The following CERKL variants were observed in gnomAD, a reference collection of about 807,000 sequenced individuals.
The protein encoded by CERKL is CERK like autophagy regulator.
Under a neutral mutation model 63.4 loss-of-function variants are expected in CERKL, and 61 were observed. That is an observed-to-expected ratio of 0.96 (90% CI 0.78 to 1.19). CERKL has a LOEUF of 1.19. Ranked by LOEUF, CERKL falls within the 50% of genes most tolerant of loss-of-function variation. The pLI is 0.00. For synonymous variants in CERKL, 250 were observed against 230.5 expected (o/e 1.08, Z -0.77); for missense variants, 675 against 655.5 (o/e 1.03, Z -0.33).
Position 181,554,082 on chromosome 2 carries a change from T to C in CERKL, c.821-4374A>G, listed in dbSNP as rs563662047. Among the ~76,000 whole-genome samples the C allele has an allele frequency of 2.0e-5, 3 of 151,400 alleles. No individual in the cohort carries two copies. In the South Asian group the frequency reaches 6.2e-4, roughly 32 times the overall value. On this transcript the variant is annotated intron_variant, in intron 5 of 12. Coordinates refer to ENST00000410087, the MANE Select transcript of CERKL (RefSeq NM_201548.5). Reference sequence around the variant, plus strand: ...CTTCCTCCTGAGAGCTGCTAAAATGTTCCAAATACAAAAAAGTAAGGACAG... The same window carrying C: ...CTTCCTCCTGAGAGCTGCTAAAATGCTCCAAATACAAAAAAGTAAGGACAG...
At chr2:181,618,780 G>A (rs923111281) in intron 1 of CERKL, among the ~76,000 whole-genome samples, 3 of 152,112 alleles carry the variant, frequency 2.0e-5, no homozygotes, top group Non-Finnish European at 2.9e-5. Flanking sequence ...AATATCAATG[G>A]TTATAACTTA....
chr2:181,655,848 TCCC>T (rs1045441822), intron 1 of CERKL, among the ~76,000 whole-genome samples: 4 of 152,176 alleles, frequency 2.6e-5, no homozygotes, highest in Non-Finnish European at 4.4e-5. Context: ...ATGTAGTTCC[TCCC>T]CCATTTCATC....
intron 10 of CERKL, among the ~76,000 whole-genome samples, chr2:181,545,629 G>T (rs1411126474): frequency 6.6e-6 from 1 of 152,138 alleles, no homozygotes; most frequent in East Asian, 1.9e-4. Flanking sequence ...AGAGGGAAAA[G>T]ACAACTCCAA....
intron 11 of CERKL, among the ~76,000 whole-genome samples, chr2:181,540,126 C>T (rs1221869996): frequency 6.6e-6 from 1 of 152,072 alleles, no homozygotes. Flanking sequence ...ATGTAGATAC[C>T]AAGGTCCAGC....
chr2:181,547,798 T>C (rs770561248), intron 9 of CERKL, 24 bp downstream of exon 9: 80 of 1,613,936 alleles, frequency 5.0e-5, no homozygotes, highest in Non-Finnish European at 6.7e-5. Context: ...GGCACAGTTC[T>C]CAAGGAGATA....
At chr2:181,593,867 TA>T (rs780308862) in intron 2 of CERKL, among the ~76,000 whole-genome samples, 27,434 of 117,936 alleles carry the variant, frequency 0.23, 4,047 homozygotes, top group African/African-American at 0.46. Context: ...AAAACACTAC[TA>T]AAAAAAAAAA....
chr2:181,579,375 T>C (rs533814215), intron 2 of CERKL, among the ~76,000 whole-genome samples: 1 of 152,110 alleles, frequency 6.6e-6, no homozygotes, highest in African/African-American at 2.4e-5. Flanking sequence ...TCAATTTCCA[T>C]TTCTCTTTTC....
At chr2:181,548,959 A>C in intron 6 of CERKL, 102 bp from the exon 7 acceptor site, 2 of 1,008,730 alleles carry the variant, frequency 2.0e-6, no homozygotes, top group Non-Finnish European at 3.0e-6. Flanking sequence ...AGAATATCTA[A>C]AGGTACTGTA....
intron 2 of CERKL, among the ~76,000 whole-genome samples, chr2:181,583,190 C>T (rs1684608953): frequency 6.6e-6 from 1 of 151,872 alleles, no homozygotes; most frequent in African/African-American, 2.4e-5. Flanking sequence ...ATTAGAAAGT[C>T]TCCATGTTGC....
chr2:181,538,764 A>AAAAG (rs1444200846), intron 12 of CERKL, among the ~76,000 whole-genome samples: 17 of 152,192 alleles, frequency 1.1e-4, no homozygotes, highest in Non-Finnish European at 2.9e-5. Flanking sequence ...TGGCTCCACT[A>AAAAG]AAAGATTTAA....
intron 2 of CERKL, among the ~76,000 whole-genome samples, chr2:181,581,350 T>A (rs1418955959): frequency 6.6e-6 from 1 of 152,200 alleles, no homozygotes; most frequent in Non-Finnish European, 1.5e-5. Context: ...AAGACAACAC[T>A]TCTACCTCCA....
intron 11 of CERKL, among the ~76,000 whole-genome samples, chr2:181,540,090 T>C (rs935129095): frequency 6.6e-6 from 1 of 152,160 alleles, no homozygotes; most frequent in Non-Finnish European, 1.5e-5. Flanking sequence ...AAAACTAATA[T>C]TTTCCCCAAC....
intron 2 of CERKL, among the ~76,000 whole-genome samples, chr2:181,592,659 G>T (rs1441223148): frequency 6.6e-6 from 1 of 152,180 alleles, no homozygotes; most frequent in African/African-American, 2.4e-5. Flanking sequence ...AACTTTTCAA[G>T]TGTCAGGAGA....
chr2:181,536,719 G>C lies in CERKL; in HGVS notation c.*1465C>G, dbSNP rs1574419693. ...TTTATAGTTTGTTCATACTATATGA[G>C]GTTCTATTTTAAATGACTTTCTGGA... On this transcript the variant is annotated 3_prime_UTR_variant, in exon 13 of 13. Transcript: ENST00000410087. The C allele has an allele frequency of 4.2e-6, 1 of 237,046 alleles. No individual in the cohort carries two copies. The highest frequency in any genetic ancestry group is 2.3e-5 in the African/African-American group (1 of 43,070). The allele number at this position is 237,046 out of a possible 1,614,324, so 14.7% of individuals were successfully genotyped here.
chr2:181,630,739 GGC>G, intron 1 of CERKL, among the ~76,000 whole-genome samples: 1 of 152,282 alleles, frequency 6.6e-6, no homozygotes, highest in East Asian at 1.9e-4. Flanking sequence ...AAGCCTCCCA[GGC>G]TGTAGTATTT....
At chr2:181,575,095 G>C (rs1325801068) in intron 2 of CERKL, among the ~76,000 whole-genome samples, 1 of 152,124 alleles carries the variant, frequency 6.6e-6, no homozygotes, top group Non-Finnish European at 1.5e-5. Context: ...TTCATAAGAT[G>C]GTAGCCACTT....
intron 1 of CERKL, among the ~76,000 whole-genome samples, chr2:181,635,472 T>C (rs574230594): frequency 1.3e-5 from 2 of 152,266 alleles, no homozygotes; most frequent in East Asian, 3.9e-4. Flanking sequence ...TTTTAAAATG[T>C]ATTATGTTCA....
intron 1 of CERKL, among the ~76,000 whole-genome samples, chr2:181,606,221 A>AAAGG (rs201770052): frequency 0.18 from 23,060 of 124,650 alleles, 4,982 homozygotes; most frequent in African/African-American, 0.53. Context: ...GACAGGAAGG[A>AAAGG]AAGGAAGGAA....
At chr2:181,556,723 T>C (rs1294815526) in intron 5 of CERKL, among the ~76,000 whole-genome samples, 3 of 152,234 alleles carry the variant, frequency 2.0e-5, no homozygotes, top group Non-Finnish European at 2.9e-5. Flanking sequence ...TGTGCCTTTA[T>C]AGCAGTATGA....
Sources: allele counts gnomAD v4.1 joint callset (sites outside exome capture counted in the v4.1 genomes callset), GRCh38; gene constraint gnomAD v4.1.1; transcripts MANE v1.5; gene names NCBI Gene and HGNC (gene_info 2026-07-23, HGNC 2026-07-21).